Variants in ZNF180 observed in about 807,000 individuals in gnomAD.
ZNF180 encodes zinc finger protein 180, also known as zinc finger protein 180 (HHZ168).
Under a neutral mutation model 11.8 loss-of-function variants are expected in ZNF180, and 11 were observed. That is an observed-to-expected ratio of 0.93 (90% CI 0.59 to 1.55). The LOEUF is 1.55. ZNF180 is among the 40% of genes most tolerant of loss of function. The probability of loss-of-function intolerance (pLI) is 0.00; values close to 1 mark genes in which losing one functional copy is unlikely to be tolerated. For synonymous variants in ZNF180, 287 were observed against 257.7 expected (o/e 1.11, Z -1.09); for missense variants, 773 against 781.7 (o/e 0.99, Z 0.13).
intron 3 of ZNF180, among the ~76,000 whole-genome samples, chr19:44,480,517 G>A (rs2036421449): frequency 1.3e-5 from 2 of 152,170 alleles, no homozygotes; most frequent in South Asian, 4.1e-4. Flanking sequence ...CACTAGCAGA[G>A]TTTACTGATG....
intron 1 of ZNF180, 41 bp downstream of exon 1, chr19:44,500,234 C>A: frequency 6.2e-7 from 1 of 1,614,042 alleles, no homozygotes; most frequent in Non-Finnish European, 8.5e-7. Flanking sequence ...CCTGCGCATG[C>A]GCGCATCGGA....
At chr19:44,478,236 T>C (rs1969985818) in intron 4 of ZNF180, 90 bp from the exon 5 acceptor site, 2 of 1,342,706 alleles carry the variant, frequency 1.5e-6, no homozygotes, top group East Asian at 5.0e-5. Context: ...GAAAAATATA[T>C]ATGAATTTGT....
At chr19:44,479,039 A>C (rs1397297123) in intron 4 of ZNF180, among the ~76,000 whole-genome samples, 1 of 152,244 alleles carries the variant, frequency 6.6e-6, no homozygotes, top group Non-Finnish European at 1.5e-5. Context: ...AAAGAAAATT[A>C]CTGCAGAATC....
At chr19:44,499,547 A>G (rs1242309700) in intron 1 of ZNF180, among the ~76,000 whole-genome samples, 1 of 152,000 alleles carries the variant, frequency 6.6e-6, no homozygotes, top group Non-Finnish European at 1.5e-5. Context: ...ATAGGTCCCT[A>G]CTATCAGTTC....
chr19:44,477,708 A>G lies in ZNF180; in HGVS notation c.692T>C (p.Ile231Thr), dbSNP rs1468829803. Residue 231 changes from isoleucine to threonine, a missense_variant, in exon 5 of 5, where the codon ATT becomes ACT. Physicochemically the swap from Ile to Thr is moderately conservative, Grantham distance 89. Coordinates refer to ENST00000592529, the MANE Select transcript of ZNF180 (RefSeq NM_001278509.3). ...NNECGKPPQS[I>T]HLIQFTRTQT... is the part of the protein sequence containing the mutation. The stretch of plus-strand genomic sequence containing the variant: ...AGTTCTTGTAAACTGAATAAGGTGA[A>G]TGCTCTGAGGGGGTTTTCCACATTC... 3.1e-6 allele frequency: 5 copies of G among 1,613,986 alleles called. No individual in the cohort carries two copies. Among genetic ancestry groups the G allele is most frequent in the Non-Finnish European group, 4.2e-6 (5 of 1,180,006 alleles).
chr19:44,477,834 TG>T lies in ZNF180; in HGVS notation c.565del (p.His189IlefsTer18). The T allele has an allele frequency of 1.2e-6, 2 of 1,613,926 alleles. No individual in the cohort carries two copies. The highest frequency in any genetic ancestry group is 1.7e-6 in the Non-Finnish European group (2 of 1,179,968). ...AGCATGTGATACATGTTTATGAAAA[TG>T]GTTTCTTATGGGTATAACTGGGGAT... ...FSSPVIPIRN[H>X]FHKHVSHAKK... On this transcript the variant is annotated frameshift_variant, in exon 5 of 5. Coordinates refer to ENST00000592529, the MANE Select transcript of ZNF180 (RefSeq NM_001278509.3). LOFTEE classifies it low-confidence loss of function (END_TRUNC).
At chr19:44,489,232 G>A (rs1970354285) in intron 2 of ZNF180, among the ~76,000 whole-genome samples, 1 of 128,614 alleles carries the variant, frequency 7.8e-6, no homozygotes, top group African/African-American at 2.7e-5. Context: ...CCCCGTCTGG[G>A]AGGTGTACCC....
At position 44,474,698 on chromosome 19, in the gene ZNF180, C is replaced by T. The variant is rs1178332651; in HGVS notation, c.*1704G>A. 6.6e-6 allele frequency: 1 copy of T among 152,194 alleles called. No individual in the cohort carries two copies. Among genetic ancestry groups the T allele is most frequent in the Non-Finnish European group, 1.5e-5 (1 of 68,042 alleles). 9.4% of individuals were successfully genotyped at this position (152,194 alleles called of 1,614,324 possible). ...CAACTGTCTTAGGAAAAGACCATTG[C>T]AGGGGCACAGTCTTTCAACCCCACT... is the stretch of plus-strand genomic sequence containing the variant. On this transcript the variant is annotated 3_prime_UTR_variant, in exon 5 of 5. Transcript: ENST00000592529.
chr19:44,498,467 C>T (rs1471281890), intron 1 of ZNF180, among the ~76,000 whole-genome samples: 1 of 152,180 alleles, frequency 6.6e-6, no homozygotes, highest in Non-Finnish European at 1.5e-5. Context: ...TCCACAGCCC[C>T]CTGCTTGAGC....
At chr19:44,479,860 T>C (rs1007127561) in intron 3 of ZNF180, among the ~76,000 whole-genome samples, 2 of 152,212 alleles carry the variant, frequency 1.3e-5, no homozygotes, top group African/African-American at 4.8e-5. Context: ...TCTGCTGCTA[T>C]AGCAAGAAAT....
At chr19:44,488,509 G>A (rs572733255) in intron 2 of ZNF180, among the ~76,000 whole-genome samples, 3 of 152,284 alleles carry the variant, frequency 2.0e-5, no homozygotes, top group South Asian at 2.1e-4. Context: ...TGAGTGATCC[G>A]CCAGCCTCGG....
At chr19:44,478,534 G>A (rs1304277173) in intron 4 of ZNF180, among the ~76,000 whole-genome samples, 1 of 152,154 alleles carries the variant, frequency 6.6e-6, no homozygotes, top group Non-Finnish European at 1.5e-5. Context: ...AGAGATTAGT[G>A]TCTACATATC....
At position 44,497,463 on chromosome 19, in the gene ZNF180, A is replaced by T. The variant is rs372106056; in HGVS notation, c.-43-86T>A. On this transcript the variant is annotated intron_variant, in intron 1 of 4. Transcript: ENST00000592529. ...ACCCCCATTAGCCCCTGCTCCCAGG[A>T]TGCAGGATGCATTCCCATAGCAAAT... 8.3e-6 allele frequency: 11 copies of T among 1,319,446 alleles called. No homozygotes were observed. The African/African-American group carries it at 1.5e-4, about 19-fold the overall frequency. 81.7% of individuals were successfully genotyped at this position (1,319,446 alleles called of 1,614,324 possible). A position where few individuals can be genotyped will look rare whatever the true frequency, so the allele number is the denominator to read the frequency against.
At chr19:44,486,119 G>A (rs1356349825) in intron 2 of ZNF180, among the ~76,000 whole-genome samples, 3 of 152,178 alleles carry the variant, frequency 2.0e-5, no homozygotes, top group Non-Finnish European at 4.4e-5. Flanking sequence ...TAGCAGCCAA[G>A]AGAAGAAATA....
intron 2 of ZNF180, chr19:44,484,783 C>A: frequency 7.6e-6 from 2 of 264,382 alleles, no homozygotes; most frequent in Non-Finnish European, 1.4e-5. Context: ...ATTCCTGGGT[C>A]ACAAAATTAT....
intron 2 of ZNF180, among the ~76,000 whole-genome samples, chr19:44,494,393 C>A (rs1970525269): frequency 6.6e-6 from 1 of 152,208 alleles, no homozygotes; most frequent in Admixed American, 6.5e-5. Context: ...CAGCCAGGCA[C>A]TGCGGCTCAC....
chr19:44,486,344 C>T (rs1425309614), intron 2 of ZNF180, among the ~76,000 whole-genome samples: 1 of 152,194 alleles, frequency 6.6e-6, no homozygotes, highest in Non-Finnish European at 1.5e-5. Flanking sequence ...TCTTTTAATG[C>T]TGCATCCATG....
In ZNF180 at chr19:44,477,498, T is replaced by G; in HGVS notation, c.902A>C (p.Gln301Pro). The G allele has an allele frequency of 6.2e-7, 1 of 1,614,156 alleles. No homozygotes were observed. The highest frequency in any genetic ancestry group is 8.5e-7 in the Non-Finnish European group (1 of 1,180,014). Reference protein sequence around the residue: ...EQQRIPFEESQYKCSETSHSS... With the variant: ...EQQRIPFEESPYKCSETSHSS... ...ATGAGAGGTTTCACTACATTTATAT[T>G]GACTCTCTTCAAAAGGAATTCTCTG... The change falls in exon 5 of 5, where the codon CAA becomes CCA. Residue 301 changes from glutamine (Q) to proline (P), a missense_variant. Transcript: ENST00000592529.
intron 3 of ZNF180, among the ~76,000 whole-genome samples, chr19:44,481,751 T>C (rs1047723119): frequency 6.6e-6 from 1 of 152,360 alleles, no homozygotes; most frequent in East Asian, 1.9e-4. Context: ...TCACAAATTA[T>C]TTCAGTAAGT....
Sources: gnomAD v4.1 joint callset for allele counts (sites outside exome capture counted in the v4.1 genomes callset) on GRCh38, gnomAD v4.1.1 for gene constraint, MANE v1.5 for transcripts, NCBI Gene and HGNC (gene_info 2026-07-23, HGNC 2026-07-21) for gene names.